NOX4: variants seen among roughly 807,000 people sequenced by gnomAD.
NOX4 encodes the protein NADPH oxidase 4.
A neutral mutation model predicts 87.6 loss-of-function variants in NOX4; 69 were observed. The observed-to-expected ratio is 0.79, with a 90% CI of 0.65 to 0.96. NOX4 has a LOEUF of 0.96. NOX4 is among the 40% of genes least tolerant of loss of function. NOX4 has a pLI of 0.00. For synonymous variants in NOX4, 275 were observed against 238.2 expected, an observed-to-expected ratio of 1.15 and a Z score of -1.42; for missense variants, 680 against 681.5, an observed-to-expected ratio of 1.00 and a Z score of 0.02.
At chr11:89,421,813 C>T in intron 8 of NOX4, 89 bp downstream of exon 8, 1 of 687,942 alleles carries the variant, frequency 1.5e-6, no homozygotes, top group East Asian at 2.9e-5. Flanking sequence ...ACACTTTTAC[C>T]ACCTCCTATG....
rs367913844 is a variant in NOX4 at position 89,431,747 on chromosome 11, T to C, written c.548+1037A>G. 2.7e-4 allele frequency among the ~76,000 whole-genome samples: 41 copies of C among 152,296 alleles called. No homozygotes were observed. In the South Asian group the frequency reaches 8.5e-3, roughly 32 times the overall value. ...GAGAAACAGGAACACTTTTACACTGTTGGTGGGACTGTAAACTAATTCAAT... is the reference window on the plus strand; with the variant it reads ...GAGAAACAGGAACACTTTTACACTGCTGGTGGGACTGTAAACTAATTCAAT... On this transcript the variant is annotated intron_variant, in intron 7 of 17. Coordinates refer to ENST00000263317, the MANE Select transcript of NOX4 (RefSeq NM_016931.5).
chr11:89,512,107 T>A, the NOX4 span, among the ~76,000 whole-genome samples: 24 of 152,068 alleles, frequency 1.6e-4, no homozygotes, highest in African/African-American at 5.8e-4. Context: ...AGCCAATACA[T>A]TAATCTTTTT....
intron 4 of NOX4, among the ~76,000 whole-genome samples, chr11:89,446,444 C>T (rs1239623989): frequency 6.6e-6 from 1 of 151,498 alleles, no homozygotes; most frequent in African/African-American, 2.4e-5. Flanking sequence ...TCATTATTGT[C>T]GAAATCTGGA....
the NOX4 span, among the ~76,000 whole-genome samples, chr11:89,544,102 G>T: frequency 6.6e-6 from 1 of 151,980 alleles, no homozygotes; most frequent in Non-Finnish European, 1.5e-5. Context: ...ACCCTGTGTT[G>T]GTAAAATTTC....
intron 14 of NOX4, among the ~76,000 whole-genome samples, chr11:89,341,421 C>T (rs1258170578): frequency 6.6e-6 from 1 of 152,076 alleles, no homozygotes; most frequent in African/African-American, 2.4e-5. Flanking sequence ...ATGTGCCCGG[C>T]CACAATTTCA....
At chr11:89,359,606 T>G (rs1370832984) in intron 12 of NOX4, among the ~76,000 whole-genome samples, 4 of 152,056 alleles carry the variant, frequency 2.6e-5, no homozygotes, top group African/African-American at 9.7e-5. Flanking sequence ...CCTTTGCATC[T>G]AGAGATGTGA....
intron 8 of NOX4, among the ~76,000 whole-genome samples, chr11:89,409,375 GA>G (rs1372748257): frequency 6.6e-6 from 1 of 152,006 alleles, no homozygotes; most frequent in African/African-American, 2.4e-5. Flanking sequence ...CAAAACTGGG[GA>G]AAAAATAAAC....
intron 2 of NOX4, among the ~76,000 whole-genome samples, chr11:89,489,737 A>AAAAG (rs1302761387): frequency 2.1e-4 from 31 of 149,204 alleles, no homozygotes; most frequent in African/African-American, 2.9e-4. Flanking sequence ...CAAAAAAAAA[A>AAAAG]AAAGAAAGAA....
At chr11:89,358,817 A>T (rs557427699) in intron 12 of NOX4, among the ~76,000 whole-genome samples, 2 of 152,084 alleles carry the variant, frequency 1.3e-5, no homozygotes, top group East Asian at 3.9e-4. Flanking sequence ...GTCAAACCAG[A>T]TGACCTACTT....
chr11:89,556,708 C>T, the NOX4 span, among the ~76,000 whole-genome samples: 2 of 152,040 alleles, frequency 1.3e-5, no homozygotes, highest in South Asian at 2.1e-4. Flanking sequence ...TTCAGGGGAA[C>T]GGTAATTAGT....
chr11:89,461,518 A>C (rs1442091662), intron 2 of NOX4, among the ~76,000 whole-genome samples: 1 of 151,540 alleles, frequency 6.6e-6, no homozygotes, highest in African/African-American at 2.4e-5. Context: ...GGTGATGGGC[A>C]CACGTAGTCC....
chr11:89,539,783 T>C, the NOX4 span, among the ~76,000 whole-genome samples: 1 of 152,150 alleles, frequency 6.6e-6, no homozygotes, highest in Non-Finnish European at 1.5e-5. Context: ...GAGTATTCTT[T>C]TGGTCAAAAC....
At chr11:89,344,272 T>A (rs1416128845) in intron 13 of NOX4, among the ~76,000 whole-genome samples, 1 of 152,150 alleles carries the variant, frequency 6.6e-6, no homozygotes, top group Non-Finnish European at 1.5e-5. Context: ...TAATAAAAAA[T>A]TTCAAGGGTC....
chr11:89,367,491 C>A (rs550964657), intron 12 of NOX4, among the ~76,000 whole-genome samples: 2 of 152,076 alleles, frequency 1.3e-5, no homozygotes, highest in South Asian at 4.1e-4. Context: ...TTCCTAATGA[C>A]ATGATTTTTA....
At chr11:89,461,669 AG>A (rs375865553) in intron 2 of NOX4, among the ~76,000 whole-genome samples, 2 of 151,800 alleles carry the variant, frequency 1.3e-5, no homozygotes, top group East Asian at 1.9e-4. Flanking sequence ...TAAATAAATA[AG>A]AGAAGAAAAT....
At chr11:89,429,836 C>A (rs1943678957) in intron 7 of NOX4, among the ~76,000 whole-genome samples, 1 of 152,146 alleles carries the variant, frequency 6.6e-6, no homozygotes, top group Non-Finnish European at 1.5e-5. Flanking sequence ...AAGAGGGAAT[C>A]CTCCCTAACT....
chr11:89,552,124 A>C, the NOX4 span, among the ~76,000 whole-genome samples: 7 of 152,170 alleles, frequency 4.6e-5, no homozygotes, highest in African/African-American at 1.7e-4. Flanking sequence ...TAAACTGTAA[A>C]GTTAATTTCT....
intron 5 of NOX4, among the ~76,000 whole-genome samples, chr11:89,443,246 C>A (rs542395787): frequency 6.6e-6 from 1 of 152,042 alleles, no homozygotes; most frequent in Admixed American, 6.6e-5. Flanking sequence ...TTACTTTTTC[C>A]TCTGTTTTGT....
intron 4 of NOX4, among the ~76,000 whole-genome samples, chr11:89,445,339 TCA>T (rs201527966): frequency 2.0e-5 from 3 of 150,318 alleles, no homozygotes; most frequent in East Asian, 1.9e-4. Context: ...TCTAAGGTAC[TCA>T]CACACACACA....
Sources: allele counts gnomAD v4.1 joint callset (sites outside exome capture counted in the v4.1 genomes callset), GRCh38; gene constraint gnomAD v4.1.1; transcripts MANE v1.5; gene names NCBI Gene and HGNC (gene_info 2026-07-23, HGNC 2026-07-21).